Variants in RAPGEF5 observed in about 807,000 individuals in gnomAD.
RAPGEF5 encodes Rap guanine nucleotide exchange factor 5.
In RAPGEF5, 65 loss-of-function variants were observed where a neutral mutation model predicts 125.2. The ratio of observed to expected loss-of-function variants is 0.52; its 90% CI spans 0.43 to 0.64. The LOEUF (loss-of-function observed/expected upper bound fraction) is 0.64, where lower values mean the gene tolerates loss of function less well. Among genes scored for constraint, RAPGEF5 ranks in the 30% least tolerant of loss-of-function variants. The pLI is 0.00. For missense variants in RAPGEF5, 958 were observed against 1,048.1 expected (o/e 0.91, Z 1.19); for synonymous variants, 391 against 385.9 (o/e 1.01, Z -0.16).
At chr7:22,253,144 A>G (rs1786667234) in intron 7 of RAPGEF5, among the ~76,000 whole-genome samples, 1 of 152,240 alleles carries the variant, frequency 6.6e-6, no homozygotes, top group South Asian at 2.1e-4. Context: ...ACAAACTTCA[A>G]CAATCAGCAT....
At chr7:22,127,954 GAA>G (rs1438182330) in intron 24 of RAPGEF5, among the ~76,000 whole-genome samples, 1 of 152,174 alleles carries the variant, frequency 6.6e-6, no homozygotes, top group Non-Finnish European at 1.5e-5. Context: ...ATTTGTAAAG[GAA>G]ATGAGACCTG....
intron 3 of RAPGEF5, among the ~76,000 whole-genome samples, chr7:22,311,414 A>C (rs1783468686): frequency 6.6e-6 from 1 of 152,242 alleles, no homozygotes; most frequent in South Asian, 2.1e-4. Context: ...CTAAAGTAGA[A>C]AAATATTGCC....
chr7:22,184,453 T>A (rs1184884568), intron 11 of RAPGEF5, among the ~76,000 whole-genome samples: 1 of 152,200 alleles, frequency 6.6e-6, no homozygotes, highest in Non-Finnish European at 1.5e-5. Flanking sequence ...GATAATAAAC[T>A]ACAGCTCAAA....
chr7:22,185,864 T>A (rs1784809486), intron 11 of RAPGEF5, among the ~76,000 whole-genome samples: 1 of 152,164 alleles, frequency 6.6e-6, no homozygotes, highest in Admixed American at 6.5e-5. Context: ...ATCTAATTTT[T>A]TTTTTTTTGA....
rs140274703 is a variant in RAPGEF5, at chr7:22,242,727, G to A, written c.797-11808C>T. Reference sequence around the variant, plus strand: ...AGCACTTTGGGAGGCCGAGGCAGGCGGATCACCTGAGGACAGGAGTTCGAG... The same window carrying A: ...AGCACTTTGGGAGGCCGAGGCAGGCAGATCACCTGAGGACAGGAGTTCGAG... On this transcript the variant is annotated intron_variant, in intron 7 of 25. Transcript: ENST00000665637. Among the ~76,000 whole-genome samples the A allele has an allele frequency of 2.6e-5, 4 of 152,170 alleles. 1 individual carries two copies. The highest frequency in any genetic ancestry group is 9.6e-5 in the African/African-American group (4 of 41,524).
intron 1 of RAPGEF5, among the ~76,000 whole-genome samples, chr7:22,326,839 G>T (rs1250412652): frequency 1.3e-5 from 2 of 152,164 alleles, no homozygotes; most frequent in African/African-American, 2.4e-5. Flanking sequence ...CACTTAAAAA[G>T]TCTGCTGAGA....
At chr7:22,271,083 G>C (rs976407982) in intron 6 of RAPGEF5, among the ~76,000 whole-genome samples, 6 of 151,992 alleles carry the variant, frequency 3.9e-5, no homozygotes, top group African/African-American at 1.4e-4. Context: ...ACTACTTTTG[G>C]TCTACTTACT....
chr7:22,316,478 TATATA>T (rs1562525641), intron 2 of RAPGEF5, among the ~76,000 whole-genome samples: 4 of 59,158 alleles, frequency 6.8e-5, no homozygotes, highest in Non-Finnish European at 6.3e-5. Context: ...TATATATATA[TATATA>T]TATATATTTT....
At chr7:22,245,168 T>C (rs1469300375) in intron 7 of RAPGEF5, among the ~76,000 whole-genome samples, 1 of 152,230 alleles carries the variant, frequency 6.6e-6, no homozygotes, top group East Asian at 1.9e-4. Context: ...TCAGGTTTTC[T>C]TCCTATCATG....
At chr7:22,196,952 T>C (rs767609531) in intron 9 of RAPGEF5, among the ~76,000 whole-genome samples, 8 of 152,150 alleles carry the variant, frequency 5.3e-5, no homozygotes, top group South Asian at 2.1e-4. Flanking sequence ...ACTATGAACA[T>C]TGGGGATTAA....
chr7:22,229,374 G>A (rs1174511583), intron 8 of RAPGEF5, among the ~76,000 whole-genome samples: 2 of 152,058 alleles, frequency 1.3e-5, no homozygotes, highest in Non-Finnish European at 2.9e-5. Context: ...ATTCCCCACG[G>A]TAACATATTT....
Position 22,338,953 on chromosome 7 carries a change from G to A in RAPGEF5, c.231+17877C>T, listed in dbSNP as rs558277038. On this transcript the variant is annotated intron_variant, in intron 1 of 25. Coordinates refer to ENST00000665637, the MANE Select transcript of RAPGEF5 (RefSeq NM_012294.5). ...ATCAGAGCCAGCACCAGGGAAAGGC[G>A]GCCTCCCAATTCATAGAAAAAACCT... Among the ~76,000 whole-genome samples, 9 of 152,244 alleles carry A rather than the reference G, an allele frequency of 5.9e-5. No homozygotes were observed. In the East Asian group the frequency reaches 1.5e-3, roughly 26 times the overall value.
intron 23 of RAPGEF5, 68 bp downstream of exon 23, chr7:22,135,970 C>G (rs1177472157): frequency 7.6e-7 from 1 of 1,314,152 alleles, no homozygotes; most frequent in African/African-American, 1.5e-5. Context: ...CTTTTTTGCC[C>G]TCAATAGTTA....
chr7:22,169,174 T>C (rs1784263765), intron 11 of RAPGEF5, among the ~76,000 whole-genome samples: 1 of 152,088 alleles, frequency 6.6e-6, no homozygotes, highest in Admixed American at 6.5e-5. Flanking sequence ...GTCACATGAA[T>C]GGACATGCAC....
chr7:22,266,174 T>C (rs1164799429), intron 7 of RAPGEF5, among the ~76,000 whole-genome samples: 1 of 152,212 alleles, frequency 6.6e-6, no homozygotes, highest in South Asian at 2.1e-4. Flanking sequence ...TTCTTCAAGT[T>C]TGGTCATCAC....
rs576546753 is a variant in RAPGEF5 at position 22,289,076 on chromosome 7, G to C, written c.747+2099C>G. Among the ~76,000 whole-genome samples, 33 of 152,260 alleles carry C rather than the reference G, an allele frequency of 2.2e-4. No individual in the cohort carries two copies. The East Asian group carries it at 5.0e-3, about 23-fold the overall frequency. ...TCTCCAAATCCTGACTGTTTTCAAT[G>C]GTGGTTCAAGTCCAGTGTCTGCAGT... is the stretch of plus-strand genomic sequence containing the variant. On this transcript the variant is annotated intron_variant, in intron 6 of 25. Transcript: ENST00000665637.
chr7:22,162,640 G>A (rs559146136), intron 12 of RAPGEF5, 99 bp from the exon 13 acceptor site: 34 of 1,153,590 alleles, frequency 2.9e-5, no homozygotes, highest in Non-Finnish European at 3.8e-5. Context: ...GCATACAAGT[G>A]TATAAACATG....
chr7:22,260,657 T>G (rs908082993), intron 7 of RAPGEF5, among the ~76,000 whole-genome samples: 5 of 152,050 alleles, frequency 3.3e-5, no homozygotes, highest in African/African-American at 1.2e-4. Flanking sequence ...CTATATTCAT[T>G]GATAGAAACA....
At chr7:22,188,493 G>T (rs1012979798) in intron 11 of RAPGEF5, among the ~76,000 whole-genome samples, 1 of 152,208 alleles carries the variant, frequency 6.6e-6, no homozygotes, top group African/African-American at 2.4e-5. Context: ...ACAGCCGGGC[G>T]CAGTGGCTCA....
Sources: allele counts gnomAD v4.1 joint callset (sites outside exome capture counted in the v4.1 genomes callset), GRCh38; gene constraint gnomAD v4.1.1; transcripts MANE v1.5; gene names NCBI Gene and HGNC (gene_info 2026-07-23, HGNC 2026-07-21).